Variants in PCCB observed in about 807,000 individuals in gnomAD.
PCCB encodes the protein propionyl-CoA carboxylase subunit beta.
A neutral mutation model predicts 60.7 loss-of-function variants in PCCB; 43 were observed. The observed-to-expected ratio is 0.71, with a 90% CI of 0.55 to 0.91. The LOEUF is 0.91. PCCB is among the 40% of genes least tolerant of loss of function. The pLI, the probability that PCCB is intolerant of heterozygous loss-of-function variation, is 0.00. For missense variants in PCCB, 766 were observed against 702.8 expected, an observed-to-expected ratio of 1.09 and a Z score of -1.02; for synonymous variants, 276 against 255.9, an observed-to-expected ratio of 1.08 and a Z score of -0.75.
intron 10 of PCCB, among the ~76,000 whole-genome samples, chr3:136,325,277 G>C (rs1370998784): frequency 6.6e-6 from 1 of 152,086 alleles, no homozygotes; most frequent in African/African-American, 2.4e-5. Context: ...CTCCACTTTG[G>C]CCTCCTGAGT....
intron 4 of PCCB, 53 bp from the exon 5 acceptor site, chr3:136,261,899 G>A (rs904295924): frequency 8.6e-6 from 11 of 1,273,024 alleles, no homozygotes; most frequent in African/African-American, 4.4e-5. Context: ...TGTGAATGTC[G>A]TTTTTTATAT....
chr3:136,259,421 C>T (rs953030050), intron 3 of PCCB, among the ~76,000 whole-genome samples: 10 of 152,128 alleles, frequency 6.6e-5, no homozygotes, highest in Non-Finnish European at 1.0e-4. Flanking sequence ...GCCAAGATTA[C>T]GCCACTGCAC....
intron 9 of PCCB, among the ~76,000 whole-genome samples, chr3:136,315,272 T>C (rs1249393929): frequency 3.9e-5 from 6 of 152,208 alleles, no homozygotes; most frequent in African/African-American, 1.2e-4. Context: ...GCGCGGTGGC[T>C]CACGCCTGTA....
chr3:136,272,383 A>AG (rs1942225103), intron 5 of PCCB, among the ~76,000 whole-genome samples: 1 of 152,114 alleles, frequency 6.6e-6, no homozygotes, highest in Non-Finnish European at 1.5e-5. Context: ...AGAATGATTT[A>AG]GGAAGGATTC....
intron 10 of PCCB, among the ~76,000 whole-genome samples, chr3:136,318,205 C>T (rs149523825): frequency 4.7e-4 from 71 of 152,046 alleles, no homozygotes; most frequent in African/African-American, 1.6e-3. Flanking sequence ...ATGAGCTGGG[C>T]GTGGTGGCAC....
At chr3:136,266,408 C>T (rs1424968170) in intron 5 of PCCB, among the ~76,000 whole-genome samples, 3 of 152,054 alleles carry the variant, frequency 2.0e-5, no homozygotes, top group Admixed American at 6.5e-5. Flanking sequence ...GGATTACAGG[C>T]GTGAGCCACC....
chr3:136,329,619 T>C (rs561757776), intron 14 of PCCB, among the ~76,000 whole-genome samples: 2 of 152,358 alleles, frequency 1.3e-5, no homozygotes, highest in East Asian at 3.9e-4. Flanking sequence ...TATTTCCTAT[T>C]GAATTCATTG....
intron 10 of PCCB, among the ~76,000 whole-genome samples, chr3:136,320,913 A>G (rs1165558010): frequency 6.6e-6 from 1 of 152,212 alleles, no homozygotes; most frequent in Non-Finnish European, 1.5e-5. Context: ...ATGTTAAGGG[A>G]GGAAAACCTA....
At chr3:136,324,139 TCTTG>T (rs1935211930) in intron 10 of PCCB, among the ~76,000 whole-genome samples, 2 of 152,100 alleles carry the variant, frequency 1.3e-5, no homozygotes, top group South Asian at 4.1e-4. Flanking sequence ...TGAGACAGGG[TCTTG>T]CTCTGTTGCC....
chr3:136,266,016 T>G (rs1185581980), intron 5 of PCCB, among the ~76,000 whole-genome samples: 3 of 151,856 alleles, frequency 2.0e-5, no homozygotes, highest in Non-Finnish European at 2.9e-5. Flanking sequence ...TAGTAGAGAC[T>G]GGGTTTCACC....
At chr3:136,284,008 T>C in intron 6 of PCCB, 61 bp downstream of exon 6, 2 of 1,014,766 alleles carry the variant, frequency 2.0e-6, no homozygotes, top group Non-Finnish European at 3.1e-6. Context: ...TTACCTGCAA[T>C]AAAAATAATT....
At chr3:136,254,634 G>A (rs1416726228) in intron 1 of PCCB, among the ~76,000 whole-genome samples, 1 of 144,316 alleles carries the variant, frequency 6.9e-6, no homozygotes, top group Non-Finnish European at 1.5e-5. Flanking sequence ...CCAGGTTCAA[G>A]TGATTCTCCT....
Position 136,299,887 on chromosome 3 carries a change from C to T in PCCB, c.885-1143C>T, listed in dbSNP as rs577717628. Reference sequence around the variant, plus strand: ...ATGTATATGCATGCATGTGTATGTACGTATATGCGTACATATGTATGCATG... The same window carrying T: ...ATGTATATGCATGCATGTGTATGTATGTATATGCGTACATATGTATGCATG... On this transcript the variant is annotated intron_variant, in intron 8 of 14. Transcript: ENST00000251654. Among the ~76,000 whole-genome samples, 49 of 150,360 alleles carry T rather than the reference C, an allele frequency of 3.3e-4. 1 individual carries two copies. Among genetic ancestry groups the T allele is most frequent in the African/African-American group, 1.2e-3 (47 of 40,474 alleles).
intron 10 of PCCB, among the ~76,000 whole-genome samples, chr3:136,323,930 G>A (rs888228965): frequency 1.3e-5 from 2 of 150,250 alleles, no homozygotes; most frequent in African/African-American, 4.9e-5. Context: ...TTGAAAATGG[G>A]GTATTTATAC....
Position 136,260,179 on chromosome 3 carries a change from T to A in PCCB, c.373-300T>A, listed in dbSNP as rs1055679776. ...GCCTCTGTCTCCAGGGCTCAAGCAA[T>A]CCTCCTGCCTCAGCCTCCCGAGTAG... On this transcript the variant is annotated intron_variant, in intron 3 of 14. Coordinates refer to ENST00000251654, the MANE Select transcript of PCCB (RefSeq NM_000532.5). The A allele has an allele frequency of 2.6e-5, 12 of 457,252 alleles. 1 individual carries two copies. The highest frequency in any genetic ancestry group is 6.7e-5 in the Admixed American group (2 of 29,980). 28.3% of individuals were successfully genotyped at this position (457,252 alleles called of 1,614,324 possible).
At chr3:136,273,911 C>CAAAAAA (rs34690853) in intron 5 of PCCB, among the ~76,000 whole-genome samples, 11 of 55,482 alleles carry the variant, frequency 2.0e-4, no homozygotes, top group Non-Finnish European at 2.9e-4. Context: ...GACTCTGTCT[C>CAAAAAA]AAAAAAAAAA....
intron 3 of PCCB, chr3:136,259,066 G>T: frequency 1.0e-6 from 1 of 999,314 alleles, no homozygotes; most frequent in Non-Finnish European, 1.3e-6. Context: ...GGTTTTAGGA[G>T]AGGTTATGCC....
rs372770908 is a variant in PCCB at position 136,261,971 on chromosome 3, C to T, written c.449C>T (p.Thr150Met). The T allele has an allele frequency of 1.5e-5, 23 of 1,558,548 alleles. No individual in the cohort carries two copies. The highest frequency in any genetic ancestry group is 3.9e-5 in the Admixed American group (2 of 51,614). The part of the protein sequence containing the change: ...KICKIMDQAI[T>M]VGAPVIGLND... ...TCTCAGATCATGGACCAGGCCATAA[C>T]GGTGGGGGCTCCAGTGATTGGGCTG... The change falls in exon 5 of 15, where the codon ACG (threonine) becomes ATG (methionine). Residue 150 changes from threonine to methionine, a missense_variant. Physicochemically the swap from Thr to Met is moderately conservative, Grantham distance 81. Coordinates refer to ENST00000251654, the MANE Select transcript of PCCB (RefSeq NM_000532.5).
chr3:136,317,764 C>T (rs1259033876), intron 10 of PCCB, among the ~76,000 whole-genome samples: 3 of 152,152 alleles, frequency 2.0e-5, no homozygotes, highest in Non-Finnish European at 4.4e-5. Context: ...GTGCCAGGCA[C>T]ATAGATGGTA....
Sources: gnomAD v4.1 joint callset for allele counts (sites outside exome capture counted in the v4.1 genomes callset) on GRCh38, gnomAD v4.1.1 for gene constraint, MANE v1.5 for transcripts, NCBI Gene and HGNC (gene_info 2026-07-23, HGNC 2026-07-21) for gene names.